The following RERE variants were observed in gnomAD, a reference collection of about 807,000 sequenced individuals.
RERE encodes the protein arginine-glutamic acid dipeptide repeats protein.
RERE carries 40 observed loss-of-function variants against 146.1 expected under a neutral mutation model. The ratio of observed to expected loss-of-function variants is 0.27; its 90% CI spans 0.21 to 0.36. The LOEUF (loss-of-function observed/expected upper bound fraction) is 0.36. Ranked by LOEUF, RERE falls within the 10% of genes least tolerant of loss-of-function variation. The pLI, the probability that RERE is intolerant of heterozygous loss-of-function variation, is 1.00. For synonymous variants in RERE, 1,003 were observed against 866.0 expected, an observed-to-expected ratio of 1.16 and a Z score of -2.78; for missense variants, 1,933 against 2,138.7, an observed-to-expected ratio of 0.90 and a Z score of 1.90.
At chr1:8,414,431 C>G (rs1389309378) in intron 12 of RERE, among the ~76,000 whole-genome samples, 1 of 152,066 alleles carries the variant, frequency 6.6e-6, no homozygotes, top group East Asian at 1.9e-4. Flanking sequence ...TGGCGCATGC[C>G]TGTAGTCCTA....
chr1:8,445,827 C>T (rs1439906017), intron 11 of RERE, among the ~76,000 whole-genome samples: 1 of 151,018 alleles, frequency 6.6e-6, no homozygotes, highest in Non-Finnish European at 1.5e-5. Context: ...CCCTACCCGC[C>T]CCCACCCCCC....
intron 7 of RERE, among the ~76,000 whole-genome samples, chr1:8,536,555 G>T (rs1170746380): frequency 6.6e-6 from 1 of 152,230 alleles, no homozygotes; most frequent in South Asian, 2.1e-4. Context: ...TGCACCTAAG[G>T]CCTCCTAACT....
At chr1:8,618,752 T>C (rs954140441) in intron 3 of RERE, among the ~76,000 whole-genome samples, 1 of 152,264 alleles carries the variant, frequency 6.6e-6, no homozygotes, top group Admixed American at 6.5e-5. Flanking sequence ...GCATCATCTA[T>C]GGTCCTAATA....
At chr1:8,522,191 T>C (rs1378945512) in intron 7 of RERE, among the ~76,000 whole-genome samples, 1 of 152,220 alleles carries the variant, frequency 6.6e-6, no homozygotes, top group Admixed American at 6.5e-5. Flanking sequence ...TCAGAAGAGA[T>C]GATAACTAAT....
chr1:8,722,899 A>G (rs994626643), intron 1 of RERE, among the ~76,000 whole-genome samples: 1 of 152,194 alleles, frequency 6.6e-6, no homozygotes. Flanking sequence ...CTGAGAGAGG[A>G]CTATGTAGTT....
intron 1 of RERE, among the ~76,000 whole-genome samples, chr1:8,816,501 T>C (rs1641915352): frequency 6.6e-6 from 1 of 152,108 alleles, no homozygotes; most frequent in Non-Finnish European, 1.5e-5. Flanking sequence ...AGCAACCAGT[T>C]TCAAAGGAAG....
intron 1 of RERE, among the ~76,000 whole-genome samples, chr1:8,813,817 G>T (rs539498818): frequency 6.6e-6 from 1 of 152,184 alleles, no homozygotes; most frequent in East Asian, 1.9e-4. Context: ...GTTTCACCAT[G>T]TTGGCCAGGC....
intron 1 of RERE, among the ~76,000 whole-genome samples, chr1:8,684,465 C>A (rs1284066066): frequency 6.6e-6 from 1 of 151,976 alleles, no homozygotes; most frequent in Non-Finnish European, 1.5e-5. Context: ...TGCTGAAACA[C>A]GGAAGCTTAT....
chr1:8,741,263 T>G (rs1486579178), intron 1 of RERE, among the ~76,000 whole-genome samples: 1 of 152,206 alleles, frequency 6.6e-6, no homozygotes, highest in Non-Finnish European at 1.5e-5. Flanking sequence ...ATTCATACTT[T>G]TACCTCTATG....
intron 12 of RERE, among the ~76,000 whole-genome samples, chr1:8,371,146 C>T (rs1321300520): frequency 1.3e-5 from 2 of 152,162 alleles, no homozygotes; most frequent in Non-Finnish European, 2.9e-5. Context: ...GACAGTGTTC[C>T]CGGCTGCAGC....
intron 4 of RERE, among the ~76,000 whole-genome samples, chr1:8,597,958 T>C (rs1646575798): frequency 6.6e-6 from 1 of 152,058 alleles, no homozygotes; most frequent in African/African-American, 2.4e-5. Flanking sequence ...AGACCAACAG[T>C]TGTCCAGGTC....
At chr1:8,500,035 G>T (rs1364336037) in intron 8 of RERE, among the ~76,000 whole-genome samples, 1 of 152,174 alleles carries the variant, frequency 6.6e-6, no homozygotes, top group Non-Finnish European at 1.5e-5. Context: ...CAGGAGAATC[G>T]CTTGAAACCT....
chr1:8,658,135 A>C (rs1248373547), intron 1 of RERE, among the ~76,000 whole-genome samples: 2 of 152,228 alleles, frequency 1.3e-5, no homozygotes, highest in East Asian at 1.9e-4. Context: ...AATAGACCTA[A>C]CAATAAATTT....
At chr1:8,526,497 A>C (rs1002810868) in intron 7 of RERE, among the ~76,000 whole-genome samples, 1 of 152,142 alleles carries the variant, frequency 6.6e-6, no homozygotes, top group Non-Finnish European at 1.5e-5. Context: ...AAAAAGACCA[A>C]ACAATCCGGG....
At chr1:8,804,208 C>A (rs1226212421) in intron 1 of RERE, among the ~76,000 whole-genome samples, 1 of 152,100 alleles carries the variant, frequency 6.6e-6, no homozygotes, top group Non-Finnish European at 1.5e-5. Context: ...TATATGTACA[C>A]ATGGCAGATT....
intron 16 of RERE, 87 bp from the exon 17 acceptor site, chr1:8,361,963 T>G (rs1467741848): frequency 4.2e-6 from 4 of 943,050 alleles, no homozygotes; most frequent in Non-Finnish European, 6.6e-6. Flanking sequence ...TTGCAGACAC[T>G]TTGCTCCCTC....
chr1:8,573,680 G>C (rs1646252356), intron 4 of RERE, among the ~76,000 whole-genome samples: 1 of 152,148 alleles, frequency 6.6e-6, no homozygotes, highest in Non-Finnish European at 1.5e-5. Context: ...TGGTATCACA[G>C]CTAAGTGTTC....
intron 13 of RERE, 98 bp downstream of exon 13, chr1:8,365,714 G>T: frequency 1.4e-6 from 2 of 1,391,976 alleles, no homozygotes; most frequent in Non-Finnish European, 1.0e-6. Flanking sequence ...ACCCCCTCAT[G>T]CTTCCCGGAG....
chr1:8,759,875 AC>A (rs1448291233), intron 1 of RERE, among the ~76,000 whole-genome samples: 1 of 151,170 alleles, frequency 6.6e-6, no homozygotes, highest in Non-Finnish European at 1.5e-5. Context: ...ACACACACAC[AC>A]AATATGTCTT....
Sources: gnomAD v4.1 joint callset for allele counts (sites outside exome capture counted in the v4.1 genomes callset) on GRCh38, gnomAD v4.1.1 for gene constraint, MANE v1.5 for transcripts, NCBI Gene and HGNC (gene_info 2026-07-23, HGNC 2026-07-21) for gene names.